Variants in HCN1 observed in about 807,000 individuals in gnomAD.
The protein encoded by HCN1 is hyperpolarization activated cyclic nucleotide gated potassium channel 1.
In HCN1, 13 loss-of-function variants were observed where a neutral mutation model predicts 78.9. The observed-to-expected ratio is 0.16, with a 90% CI of 0.11 to 0.26. HCN1 has a LOEUF of 0.26. Among genes scored for constraint, HCN1 ranks in the 10% least tolerant of loss-of-function variants. The probability of loss-of-function intolerance (pLI) is 1.00; values close to 1 mark genes in which losing one functional copy is unlikely to be tolerated. For synonymous variants in HCN1, 552 were observed against 455.5 expected (o/e 1.21, Z -2.70); for missense variants, 810 against 1,154.3 (o/e 0.70, Z 4.32).
intron 2 of HCN1, among the ~76,000 whole-genome samples, chr5:45,494,220 A>G (rs1157507636): frequency 1.7e-4 from 26 of 152,030 alleles, no homozygotes; most frequent in South Asian, 4.2e-4. Flanking sequence ...CCCACCAACA[A>G]TGTAAAAGTG....
At chr5:45,434,021 G>T (rs908473326) in intron 3 of HCN1, among the ~76,000 whole-genome samples, 3 of 152,128 alleles carry the variant, frequency 2.0e-5, no homozygotes, top group African/African-American at 7.2e-5. Context: ...CAAATGGAGT[G>T]GTGTCCCAGT....
intron 1 of HCN1, among the ~76,000 whole-genome samples, chr5:45,670,951 TATGA>T (rs1369422468): frequency 1.3e-5 from 2 of 151,714 alleles, no homozygotes; most frequent in Non-Finnish European, 1.5e-5. Context: ...TACTGATACA[TATGA>T]ATAACAGAAA....
At chr5:45,604,550 T>A (rs1744689084) in intron 2 of HCN1, among the ~76,000 whole-genome samples, 1 of 151,914 alleles carries the variant, frequency 6.6e-6, no homozygotes, top group Non-Finnish European at 1.5e-5. Context: ...TGCTGATAAA[T>A]GATTATTCAA....
At chr5:45,411,823 C>T (rs1367408902) in intron 3 of HCN1, among the ~76,000 whole-genome samples, 1 of 151,972 alleles carries the variant, frequency 6.6e-6, no homozygotes, top group Non-Finnish European at 1.5e-5. Context: ...TACTTAATGC[C>T]AACAGTTCCC....
Position 45,307,798 on chromosome 5 carries a change from C to A in HCN1, c.1378-3959G>T, listed in dbSNP as rs141633852. The stretch of plus-strand genomic sequence containing the variant: ...AAACTAAGGGAATCTGAGTAATGTT[C>A]GGACTTAATAATAATGTATCAATAT... On this transcript the variant is annotated intron_variant, in intron 5 of 7. Coordinates refer to ENST00000303230, the MANE Select transcript of HCN1 (RefSeq NM_021072.4). 2.9e-3 allele frequency among the ~76,000 whole-genome samples: 436 copies of A among 152,062 alleles called. 3 individuals are homozygous for A. The highest frequency in any genetic ancestry group is 4.0e-3 in the Non-Finnish European group (270 of 68,000).
intron 2 of HCN1, among the ~76,000 whole-genome samples, chr5:45,540,424 G>A (rs1743079895): frequency 6.6e-6 from 1 of 151,566 alleles, no homozygotes; most frequent in African/African-American, 2.4e-5. Context: ...ACCTCCCCAG[G>A]CTCAGGTGAT....
chr5:45,535,308 G>C (rs191870582), intron 2 of HCN1, among the ~76,000 whole-genome samples: 14 of 152,196 alleles, frequency 9.2e-5, no homozygotes, highest in African/African-American at 3.1e-4. Context: ...AAATATAATA[G>C]AGAAGCAGGC....
intron 4 of HCN1, among the ~76,000 whole-genome samples, chr5:45,373,264 T>A (rs1295204288): frequency 1.7e-5 from 2 of 119,994 alleles, no homozygotes; most frequent in East Asian, 4.5e-4. Context: ...TTATATTATA[T>A]ATTATATATA....
intron 6 of HCN1, among the ~76,000 whole-genome samples, chr5:45,277,738 G>T (rs1005657670): frequency 6.6e-6 from 1 of 152,084 alleles, no homozygotes; most frequent in Non-Finnish European, 1.5e-5. Flanking sequence ...TCCAAAGATG[G>T]TCATCTATAA....
intron 2 of HCN1, among the ~76,000 whole-genome samples, chr5:45,525,675 GGAT>G (rs1398064330): frequency 6.6e-6 from 1 of 151,964 alleles, no homozygotes; most frequent in Non-Finnish European, 1.5e-5. Context: ...AGAAATAGGA[GGAT>G]GAGAGAGAAA....
intron 3 of HCN1, among the ~76,000 whole-genome samples, chr5:45,398,401 C>A (rs890376478): frequency 2.0e-5 from 3 of 152,028 alleles, no homozygotes; most frequent in African/African-American, 7.2e-5. Flanking sequence ...GTACTCATCT[C>A]ATTTATAGCT....
chr5:45,262,620 G>C lies in HCN1; in HGVS notation c.1974C>G (p.Ser658=). 1 of 1,613,926 alleles carries C rather than the reference G, an allele frequency of 6.2e-7. No individual in the cohort carries two copies. Among genetic ancestry groups the C allele is most frequent in the Non-Finnish European group, 8.5e-7 (1 of 1,180,008 alleles). Residue 658 remains serine (S), a synonymous_variant, in exon 8 of 8, where the codon TCC becomes TCG. Transcript: ENST00000303230. ...NSTSSTTTPT[S]RMRTQSPPVY... The stretch of plus-strand genomic sequence containing the variant: ...CCGGTGGAGATTGTGTCCTCATGCG[G>C]GAGGTCGGGGTCGTAGTAGACGATG...
intron 3 of HCN1, among the ~76,000 whole-genome samples, chr5:45,421,426 T>C (rs1049051687): frequency 6.6e-6 from 1 of 152,140 alleles, no homozygotes; most frequent in African/African-American, 2.4e-5. Context: ...GATATCATAC[T>C]GCATTGAAAA....
intron 1 of HCN1, among the ~76,000 whole-genome samples, chr5:45,694,576 A>G (rs1364396987): frequency 1.3e-5 from 2 of 152,222 alleles, no homozygotes; most frequent in Admixed American, 6.5e-5. Flanking sequence ...TAGTATATGC[A>G]CATACTCCTT....
chr5:45,647,933 G>A (rs1745582999), intron 1 of HCN1, among the ~76,000 whole-genome samples: 1 of 152,176 alleles, frequency 6.6e-6, no homozygotes, highest in Admixed American at 6.6e-5. Context: ...TCCCACTGCA[G>A]CTGTCCTCAT....
At chr5:45,317,775 A>G (rs1746027725) in intron 5 of HCN1, among the ~76,000 whole-genome samples, 1 of 152,214 alleles carries the variant, frequency 6.6e-6, no homozygotes, top group South Asian at 2.1e-4. Context: ...GACACTTCTC[A>G]AAAGAAGACA....
chr5:45,652,664 T>C (rs1227441405), intron 1 of HCN1, among the ~76,000 whole-genome samples: 1 of 152,040 alleles, frequency 6.6e-6, no homozygotes, highest in African/African-American at 2.4e-5. Flanking sequence ...AATTTCCTGA[T>C]AGAATAGTCA....
intron 3 of HCN1, among the ~76,000 whole-genome samples, chr5:45,420,391 C>T (rs993301284): frequency 2.6e-5 from 4 of 152,084 alleles, no homozygotes; most frequent in Admixed American, 2.6e-4. Context: ...TTAGTATTGG[C>T]TAATGAGGTA....
chr5:45,309,693 C>G (rs991618500), intron 5 of HCN1, among the ~76,000 whole-genome samples: 5 of 152,230 alleles, frequency 3.3e-5, no homozygotes, highest in Admixed American at 1.3e-4. Context: ...GTTGAACCGA[C>G]CTTACATCCA....
Sources: gnomAD v4.1 joint callset for allele counts (sites outside exome capture counted in the v4.1 genomes callset) on GRCh38, gnomAD v4.1.1 for gene constraint, MANE v1.5 for transcripts, NCBI Gene and HGNC (gene_info 2026-07-23, HGNC 2026-07-21) for gene names.